Variants in TG observed in about 807,000 individuals in gnomAD.
TG encodes thyroid hormones.
Under a neutral mutation model 324.7 loss-of-function variants are expected in TG, and 270 were observed. That is an observed-to-expected ratio of 0.83 (90% CI 0.75 to 0.92). The LOEUF is 0.92. TG is among the 40% of genes least tolerant of loss of function. The probability of loss-of-function intolerance (pLI) is 0.00; values close to 1 mark genes in which losing one functional copy is unlikely to be tolerated. For synonymous variants in TG, 1,401 were observed against 1,327.0 expected (o/e 1.06, Z -1.21); for missense variants, 3,591 against 3,456.4 (o/e 1.04, Z -0.98).
At chr8:133,007,931 G>A (rs999112358) in intron 35 of TG, among the ~76,000 whole-genome samples, 4 of 152,050 alleles carry the variant, frequency 2.6e-5, no homozygotes, top group Non-Finnish European at 5.9e-5. Context: ...AGAGTATCTT[G>A]AACCAGTTTT....
intron 18 of TG, 144 bp from the exon 19 acceptor site, chr8:132,911,233 G>T: frequency 2.1e-6 from 3 of 1,414,728 alleles, no homozygotes; most frequent in Non-Finnish European, 2.9e-6. Flanking sequence ...GGAAAAGGGG[G>T]TCACTATTCC....
chr8:132,879,217 A>C (rs1814292444), intron 5 of TG, among the ~76,000 whole-genome samples: 1 of 152,232 alleles, frequency 6.6e-6, no homozygotes, highest in African/African-American at 2.4e-5. Flanking sequence ...GCACACAGGA[A>C]ATTGGGAAGA....
chr8:132,960,996 C>T lies in TG; in HGVS notation c.5402-12C>T. On this transcript the variant is annotated splice_polypyrimidine_tract_variant and intron_variant, in intron 27 of 47. Transcript: ENST00000220616. ...CACTCAAGCTCATAAAAATAAACATCTTCCTTTGCAGGTCTGACACCCTTA... is the reference window on the plus strand; with the variant it reads ...CACTCAAGCTCATAAAAATAAACATTTTCCTTTGCAGGTCTGACACCCTTA... 6.2e-7 allele frequency: 1 copy of T among 1,613,818 alleles called. No homozygotes were observed.
chr8:133,113,445 G>T lies in TG; in HGVS notation c.7596G>T (p.Arg2532=). Residue 2532 remains arginine (R), a synonymous_variant, in exon 44 of 48, where the codon CGG becomes CGT. Transcript: ENST00000220616. ...AGCAATTTGAGGAAAGTCGAGGCCGGACCAGTAGCAAAACAGCCTTTTACC... is the reference window on the plus strand; with the variant it reads ...AGCAATTTGAGGAAAGTCGAGGCCGTACCAGTAGCAAAACAGCCTTTTACC... ...AVKQFEESRG[R]TSSKTAFYQA... 6.2e-7 allele frequency: 1 copy of T among 1,613,916 alleles called. No individual in the cohort carries two copies. Among genetic ancestry groups the T allele is most frequent in the East Asian group, 2.2e-5 (1 of 44,870 alleles).
At chr8:133,062,372 C>T (rs1397189062) in intron 41 of TG, among the ~76,000 whole-genome samples, 11 of 152,238 alleles carry the variant, frequency 7.2e-5, no homozygotes, top group Admixed American at 6.5e-4. Context: ...GGCGAAGGTA[C>T]CCAAGAAATG....
At chr8:133,113,356 T>C in intron 43 of TG, 66 bp from the exon 44 acceptor site, 1 of 1,585,648 alleles carries the variant, frequency 6.3e-7, no homozygotes, top group Non-Finnish European at 8.6e-7. Context: ...AGCAAGGGTT[T>C]GAGGGACACT....
chr8:132,887,118 A>G lies in TG; in HGVS notation c.1746A>G (p.Gln582=). 6.2e-7 allele frequency: 1 copy of G among 1,614,212 alleles called. No homozygotes were observed. ...TTCCAGAATTCCTTCTCTTCTTGCA[A>G]CATGCTATCTCTGTGCCAGAAGATG... ...LELPEFLLFL[Q]HAISVPEDVA... The change falls in exon 9 of 48, where the codon CAA becomes CAG. Residue 582 remains glutamine (Q), a synonymous_variant. Coordinates refer to ENST00000220616, the MANE Select transcript of TG (RefSeq NM_003235.5).
At chr8:133,091,500 G>A (rs1359035506) in intron 41 of TG, among the ~76,000 whole-genome samples, 4 of 152,150 alleles carry the variant, frequency 2.6e-5, no homozygotes, top group Admixed American at 1.3e-4. Flanking sequence ...GAGCTGCTCT[G>A]GGGAGGCTGC....
At chr8:133,064,844 G>C (rs998740750) in intron 41 of TG, among the ~76,000 whole-genome samples, 2 of 152,128 alleles carry the variant, frequency 1.3e-5, no homozygotes, top group East Asian at 3.9e-4. Context: ...GGTCCATCTT[G>C]TGCTTCTGAT....
intron 29 of TG, among the ~76,000 whole-genome samples, chr8:132,963,762 A>G (rs1473980643): frequency 1.3e-5 from 2 of 151,912 alleles, no homozygotes; most frequent in African/African-American, 4.8e-5. Context: ...AGAAGGAAGG[A>G]GAAGGGAATA....
intron 41 of TG, among the ~76,000 whole-genome samples, chr8:133,093,104 AGT>A (rs150326755): frequency 4.8e-5 from 7 of 144,644 alleles, no homozygotes; most frequent in Admixed American, 6.7e-5. Flanking sequence ...GAATATTTTG[AGT>A]GTGTGTGTGT....
intron 22 of TG, among the ~76,000 whole-genome samples, chr8:132,925,831 G>A (rs112784938): frequency 4.9e-4 from 74 of 152,256 alleles, no homozygotes; most frequent in African/African-American, 1.7e-3. Context: ...GCAGTTTGTA[G>A]GGCATTTCAT....
rs1482171089 is a variant in TG at position 132,888,168 on chromosome 8, A to G, written c.2361A>G (p.Arg787=). The G allele has an allele frequency of 6.2e-7, 1 of 1,614,170 alleles. No homozygotes were observed. Among genetic ancestry groups the G allele is most frequent in the Admixed American group, 1.7e-5 (1 of 60,024 alleles). ...AGCAGGTCTTCGAGTTGTACCAACG[A>G]TGGGAGGCTCAGAACAAGGGCCAGG... The part of the protein sequence containing the change: ...PPEQVFELYQ[R]WEAQNKGQDL... The change falls in exon 10 of 48, where the codon CGA becomes CGG. Residue 787 remains arginine, a synonymous_variant. Transcript: ENST00000220616.
At chr8:132,941,683 A>G in intron 26 of TG, 141 bp downstream of exon 26, 1 of 867,984 alleles carries the variant, frequency 1.2e-6, no homozygotes, top group East Asian at 2.6e-5. Context: ...AGTCAAGTAC[A>G]CAATACACAC....
chr8:132,978,982 G>A (rs1414533423), intron 34 of TG, among the ~76,000 whole-genome samples: 1 of 152,240 alleles, frequency 6.6e-6, no homozygotes, highest in Admixed American at 6.5e-5. Context: ...GAGTTCAGAA[G>A]TGAGCAGAAA....
chr8:133,021,911 T>G, intron 39 of TG, 80 bp from the exon 40 acceptor site: 2 of 1,578,838 alleles, frequency 1.3e-6, no homozygotes, highest in Non-Finnish European at 1.7e-6. Flanking sequence ...AGGAGTCCTG[T>G]GTCAACCAAG....
At chr8:132,899,238 G>C (rs1051956287) in intron 14 of TG, among the ~76,000 whole-genome samples, 1 of 152,194 alleles carries the variant, frequency 6.6e-6, no homozygotes, top group Admixed American at 6.5e-5. Flanking sequence ...TTTCCTAAAG[G>C]CATCTTGGCC....
At chr8:133,016,456 A>G (rs1835035968) in intron 37 of TG, among the ~76,000 whole-genome samples, 1 of 152,182 alleles carries the variant, frequency 6.6e-6, no homozygotes, top group South Asian at 2.1e-4. Context: ...AATTACTTCC[A>G]GTTGAGAACC....
intron 16 of TG, 148 bp downstream of exon 16, chr8:132,901,701 G>A (rs893471261): frequency 1.5e-5 from 13 of 858,762 alleles, no homozygotes; most frequent in East Asian, 5.3e-5. Context: ...GAGTCCCTTC[G>A]TGTGAAAACT....
Sources: gnomAD v4.1 joint callset for allele counts (sites outside exome capture counted in the v4.1 genomes callset) on GRCh38, gnomAD v4.1.1 for gene constraint, MANE v1.5 for transcripts, NCBI Gene and HGNC (gene_info 2026-07-23, HGNC 2026-07-21) for gene names.